Variants in CDH12 observed in about 807,000 individuals in gnomAD.
CDH12 encodes cadherin-12.
Under a neutral mutation model 74.1 loss-of-function variants are expected in CDH12, and 41 were observed. The ratio of observed to expected loss-of-function variants is 0.55; its 90% CI spans 0.43 to 0.72. The LOEUF is 0.72. CDH12 is among the 30% of genes least tolerant of loss of function. The pLI, the probability that CDH12 is intolerant of heterozygous loss-of-function variation, is 0.00. For synonymous variants in CDH12, 399 were observed against 355.0 expected (o/e 1.12, Z -1.39); for missense variants, 945 against 977.2 (o/e 0.97, Z 0.44).
At chr5:21,980,989 C>T (rs1036310506) in intron 5 of CDH12, among the ~76,000 whole-genome samples, 8 of 152,194 alleles carry the variant, frequency 5.3e-5, no homozygotes, top group African/African-American at 1.7e-4. Flanking sequence ...CTAAACCATA[C>T]TCTTTCTTTT....
At chr5:22,779,670 A>G (rs1400710281) in intron 1 of CDH12, among the ~76,000 whole-genome samples, 1 of 152,014 alleles carries the variant, frequency 6.6e-6, no homozygotes, top group Non-Finnish European at 1.5e-5. Context: ...AGATCTGATG[A>G]TTTTGTAAGT....
chr5:22,798,495 T>A (rs537407191), intron 1 of CDH12, among the ~76,000 whole-genome samples: 5 of 152,208 alleles, frequency 3.3e-5, no homozygotes, highest in Non-Finnish European at 2.9e-5. Context: ...ATATGTATTT[T>A]TTCATTCTAA....
intron 1 of CDH12, among the ~76,000 whole-genome samples, chr5:22,560,321 C>T (rs543152493): frequency 7.9e-5 from 12 of 152,234 alleles, no homozygotes; most frequent in African/African-American, 2.9e-4. Context: ...TGAATCATTC[C>T]TGTATCCAGT....
chr5:21,832,637 T>A (rs993455837), intron 8 of CDH12, among the ~76,000 whole-genome samples: 2 of 150,380 alleles, frequency 1.3e-5, no homozygotes, highest in African/African-American at 4.9e-5. Context: ...CCTGTAGGAA[T>A]ACAATTTTGC....
intron 3 of CDH12, among the ~76,000 whole-genome samples, chr5:22,311,041 A>G (rs997577836): frequency 1.3e-5 from 2 of 152,124 alleles, no homozygotes; most frequent in Non-Finnish European, 2.9e-5. Flanking sequence ...TTAACATACT[A>G]TTTTATATTT....
chr5:21,899,717 GGTTT>G (rs1175875042), intron 6 of CDH12, among the ~76,000 whole-genome samples: 1 of 140,628 alleles, frequency 7.1e-6, no homozygotes, highest in African/African-American at 2.5e-5. Flanking sequence ...TTATTTAAAA[GGTTT>G]GTTTTAAAAA....
rs575731321 is a variant in CDH12 at position 21,883,989 on chromosome 5, A to G, written c.527-29199T>C. Reference sequence around the variant, plus strand: ...TGAAGATCAAAAAATTGGTATGGAAATTATTAAAAGAACACTCAAAATTCC... The same window carrying G: ...TGAAGATCAAAAAATTGGTATGGAAGTTATTAAAAGAACACTCAAAATTCC... On this transcript the variant is annotated intron_variant, in intron 6 of 14. Coordinates refer to ENST00000382254, the MANE Select transcript of CDH12 (RefSeq NM_004061.5). 912 of 1,573,702 alleles carry G rather than the reference A, an allele frequency of 5.8e-4. 13 individuals carry two copies. In the South Asian group the frequency reaches 9.7e-3, roughly 17 times the overall value.
intron 4 of CDH12, among the ~76,000 whole-genome samples, chr5:22,159,086 C>G (rs1272222378): frequency 6.6e-6 from 1 of 151,964 alleles, no homozygotes; most frequent in Non-Finnish European, 1.5e-5. Flanking sequence ...GACTTTATAG[C>G]AGTGGTGAAT....
chr5:21,883,298 A>G (rs1579903349), intron 6 of CDH12: 2 of 1,476,398 alleles, frequency 1.4e-6, no homozygotes, highest in South Asian at 2.3e-5. Context: ...AAGGTCAGAA[A>G]TGTGAATTCC....
intron 1 of CDH12, among the ~76,000 whole-genome samples, chr5:22,802,022 C>T (rs1032749761): frequency 6.6e-5 from 10 of 151,952 alleles, no homozygotes; most frequent in African/African-American, 2.4e-4. Context: ...TACTAAATTG[C>T]ATTACATGGT....
intron 1 of CDH12, among the ~76,000 whole-genome samples, chr5:22,510,377 T>C (rs894198087): frequency 2.0e-5 from 3 of 151,822 alleles, no homozygotes; most frequent in Non-Finnish European, 2.9e-5. Flanking sequence ...TATAAAAATA[T>C]GGAAAAAAAA....
At chr5:22,275,243 T>C (rs1580470782) in intron 3 of CDH12, among the ~76,000 whole-genome samples, 3 of 151,956 alleles carry the variant, frequency 2.0e-5, no homozygotes, top group Admixed American at 6.6e-5. Context: ...TGTATACCTA[T>C]GTACCAAACC....
intron 1 of CDH12, among the ~76,000 whole-genome samples, chr5:22,509,081 A>G (rs1736503487): frequency 6.6e-6 from 1 of 152,232 alleles, no homozygotes; most frequent in Non-Finnish European, 1.5e-5. Context: ...ACTACAAGAC[A>G]GTGTGTATGG....
chr5:22,631,637 C>T (rs1342711577), intron 1 of CDH12, among the ~76,000 whole-genome samples: 1 of 152,036 alleles, frequency 6.6e-6, no homozygotes, highest in Non-Finnish European at 1.5e-5. Context: ...CTACAAGGAA[C>T]TCCTGAGACT....
At chr5:22,712,055 C>T (rs932705534) in intron 1 of CDH12, among the ~76,000 whole-genome samples, 1 of 151,828 alleles carries the variant, frequency 6.6e-6, no homozygotes, top group African/African-American at 2.4e-5. Context: ...CATTAATATC[C>T]ATATCTACAT....
At position 21,890,995 on chromosome 5, in the gene CDH12, T is replaced by C. The variant is rs565268426; in HGVS notation, c.527-36205A>G. Among the ~76,000 whole-genome samples the C allele has an allele frequency of 3.9e-5, 6 of 152,228 alleles. No homozygotes were observed. In the East Asian group the frequency reaches 9.7e-4, roughly 24 times the overall value. Reference sequence around the variant, plus strand: ...GTATATAAACCCCATTACGTCTTCATAGAATGCCAACTACATTGTGAAAAT... The same window carrying C: ...GTATATAAACCCCATTACGTCTTCACAGAATGCCAACTACATTGTGAAAAT... On this transcript the variant is annotated intron_variant, in intron 6 of 14. Coordinates refer to ENST00000382254, the MANE Select transcript of CDH12 (RefSeq NM_004061.5).
intron 4 of CDH12, chr5:22,172,659 T>G (rs1313667709): frequency 6.6e-6 from 1 of 151,870 alleles, no homozygotes; most frequent in Non-Finnish European, 1.5e-5. Flanking sequence ...AGTCATAGTC[T>G]CTAAACAGGG....
At chr5:22,077,113 G>A (rs981349977) in intron 5 of CDH12, among the ~76,000 whole-genome samples, 1 of 151,646 alleles carries the variant, frequency 6.6e-6, no homozygotes, top group African/African-American at 2.4e-5. Flanking sequence ...GAGACTGGAT[G>A]ACCAGAATGG....
intron 2 of CDH12, among the ~76,000 whole-genome samples, chr5:22,480,710 A>C (rs1746354432): frequency 1.3e-5 from 2 of 152,236 alleles, no homozygotes; most frequent in South Asian, 2.1e-4. Context: ...AAGTTTCCAA[A>C]GGTGTTGCCG....
Sources: gnomAD v4.1 joint callset for allele counts (sites outside exome capture counted in the v4.1 genomes callset) on GRCh38, gnomAD v4.1.1 for gene constraint, MANE v1.5 for transcripts, NCBI Gene and HGNC (gene_info 2026-07-23, HGNC 2026-07-21) for gene names.